The following LTBP1 variants were observed in gnomAD, a reference collection of about 807,000 sequenced individuals.
LTBP1 encodes the protein latent-transforming growth factor beta-binding protein 1.
A neutral mutation model predicts 207.6 loss-of-function variants in LTBP1; 129 were observed. The observed-to-expected ratio is 0.62, with a 90% CI of 0.54 to 0.72. The LOEUF is 0.72. Among genes scored for constraint, LTBP1 ranks in the 30% least tolerant of loss-of-function variants. The pLI, the probability that LTBP1 is intolerant of heterozygous loss-of-function variation, is 0.00. For synonymous variants in LTBP1, 963 were observed against 833.7 expected (o/e 1.16, Z -2.67); for missense variants, 2,281 against 2,217.2 (o/e 1.03, Z -0.58).
chr2:33,033,162 GTT>G, intron 3 of LTBP1, among the ~76,000 whole-genome samples: 1 of 151,876 alleles, frequency 6.6e-6, no homozygotes, highest in Non-Finnish European at 1.5e-5. Flanking sequence ...ATAGTCTTTA[GTT>G]TCAATGAATA....
At chr2:33,068,563 A>G (rs535893947) in intron 3 of LTBP1, among the ~76,000 whole-genome samples, 14 of 152,154 alleles carry the variant, frequency 9.2e-5, no homozygotes, top group Non-Finnish European at 1.8e-4. Flanking sequence ...GAGTATTTTC[A>G]CTGCTCTAAA....
At position 33,300,444 on chromosome 2, in the gene LTBP1, T is replaced by A; in HGVS notation, c.3236-7T>A. 1 of 1,612,294 alleles carries A rather than the reference T, an allele frequency of 6.2e-7. No individual in the cohort carries two copies. Among genetic ancestry groups the A allele is most frequent in the South Asian group, 1.1e-5 (1 of 90,984 alleles). On this transcript the variant is annotated splice_region_variant and splice_polypyrimidine_tract_variant and intron_variant, in intron 20 of 33. Transcript: ENST00000404816. ...TTTCAGAAAAATTGCCGTTGTTGTG[T>A]TTGCAGATATTGATGAATGTCAGCA... is the stretch of plus-strand genomic sequence containing the variant.
At chr2:33,337,198 C>T (rs893414958) in intron 24 of LTBP1, among the ~76,000 whole-genome samples, 1 of 152,162 alleles carries the variant, frequency 6.6e-6, no homozygotes, top group East Asian at 1.9e-4. Context: ...TCGAGTTCTA[C>T]TCTAGTATGT....
At chr2:32,996,570 TCTA>T (rs1685305706) in intron 2 of LTBP1, among the ~76,000 whole-genome samples, 2 of 152,166 alleles carry the variant, frequency 1.3e-5, no homozygotes, top group Non-Finnish European at 2.9e-5. Context: ...AGAGGAGACA[TCTA>T]CTATGTACAA....
At chr2:33,157,792 T>C (rs2084095404) in intron 5 of LTBP1, among the ~76,000 whole-genome samples, 1 of 151,928 alleles carries the variant, frequency 6.6e-6, no homozygotes, top group South Asian at 2.1e-4. Context: ...CCCACCCAAA[T>C]AAGGTGAGGA....
At chr2:33,393,234 CTTT>C (rs569734292) in intron 32 of LTBP1, among the ~76,000 whole-genome samples, 8,808 of 48,624 alleles carry the variant, frequency 0.18, 232 homozygotes, top group Non-Finnish European at 0.19. Context: ...CCTTCTTCTT[CTTT>C]TTTTTTTTTT....
chr2:33,254,659 C>T (rs1391967785), intron 11 of LTBP1, among the ~76,000 whole-genome samples: 1 of 139,618 alleles, frequency 7.2e-6, no homozygotes, highest in Non-Finnish European at 1.5e-5. Context: ...ATGTTGGTTA[C>T]ATATGTATAC....
chr2:33,139,638 A>G (rs1010524279), intron 5 of LTBP1, among the ~76,000 whole-genome samples: 1 of 152,196 alleles, frequency 6.6e-6, no homozygotes, highest in Non-Finnish European at 1.5e-5. Flanking sequence ...ATAAATGCAG[A>G]TGGCCTGATT....
At chr2:32,986,517 C>T (rs532516768) in intron 2 of LTBP1, among the ~76,000 whole-genome samples, 8 of 152,242 alleles carry the variant, frequency 5.3e-5, no homozygotes, top group South Asian at 2.1e-4. Context: ...TGACCTGAAC[C>T]GGCTACATCA....
At chr2:33,056,819 G>C (rs2077022679) in intron 3 of LTBP1, among the ~76,000 whole-genome samples, 1 of 151,992 alleles carries the variant, frequency 6.6e-6, no homozygotes, top group Non-Finnish European at 1.5e-5. Flanking sequence ...GTGTGGAAGG[G>C]GACCCGGACG....
intron 4 of LTBP1, among the ~76,000 whole-genome samples, chr2:33,111,658 A>T (rs2080410264): frequency 6.6e-6 from 1 of 152,160 alleles, no homozygotes; most frequent in Admixed American, 6.5e-5. Context: ...TCTGTACTGA[A>T]TCTAAAGTGA....
chr2:33,178,160 G>A (rs2086252126), intron 5 of LTBP1, among the ~76,000 whole-genome samples: 1 of 152,160 alleles, frequency 6.6e-6, no homozygotes, highest in African/African-American at 2.4e-5. Context: ...TCAATCTCAA[G>A]GTGTTTGGTG....
chr2:33,258,490 C>T (rs1477158696), intron 12 of LTBP1, among the ~76,000 whole-genome samples: 1 of 152,056 alleles, frequency 6.6e-6, no homozygotes. Context: ...GTGTTCTGGC[C>T]TATTTGATTC....
intron 24 of LTBP1, among the ~76,000 whole-genome samples, chr2:33,326,640 AATTTATTTATTTATTT>A (rs10529829): frequency 6.9e-6 from 1 of 144,590 alleles, no homozygotes; most frequent in Non-Finnish European, 1.5e-5. Flanking sequence ...TGAGGGATAT[AATTTATTTATTTATTT>A]ATTTATTTAT....
intron 31 of LTBP1, among the ~76,000 whole-genome samples, chr2:33,387,793 C>T (rs189580730): frequency 1.3e-4 from 19 of 149,692 alleles, no homozygotes; most frequent in African/African-American, 4.7e-4. Context: ...TCCAGGCAAA[C>T]GTGGCCATTG....
chr2:33,361,964 A>G (rs913244936), intron 28 of LTBP1, among the ~76,000 whole-genome samples: 21 of 152,104 alleles, frequency 1.4e-4, no homozygotes, highest in African/African-American at 4.8e-4. Context: ...ACTTTATCCT[A>G]CTGTTGTGGG....
chr2:33,398,828 G>A lies in LTBP1; in HGVS notation c.*283G>A. 4.4e-6 allele frequency: 1 copy of A among 228,218 alleles called. No homozygotes were observed. The highest frequency in any genetic ancestry group is 8.5e-6 in the Non-Finnish European group (1 of 117,606). The allele number at this position is 228,218 out of a possible 1,614,324, so 14.1% of individuals were successfully genotyped here. A position where few individuals can be genotyped will look rare whatever the true frequency, so the allele number is the denominator to read the frequency against. ...GTGCTGTTATTTTAAACAGAAGGTTGTATTATTATGTTGTTTTGTTTTTTT... is the reference window on the plus strand; with the variant it reads ...GTGCTGTTATTTTAAACAGAAGGTTATATTATTATGTTGTTTTGTTTTTTT... On this transcript the variant is annotated 3_prime_UTR_variant, in exon 34 of 34. Transcript: ENST00000404816.
intron 31 of LTBP1, among the ~76,000 whole-genome samples, chr2:33,366,635 G>A (rs1401341564): frequency 6.6e-6 from 1 of 152,216 alleles, no homozygotes; most frequent in Non-Finnish European, 1.5e-5. Context: ...CACTGCCATA[G>A]CAGCTGCATG....
chr2:33,000,415 G>C (rs1685927820), intron 2 of LTBP1, among the ~76,000 whole-genome samples: 1 of 135,436 alleles, frequency 7.4e-6, no homozygotes, highest in Admixed American at 7.6e-5. Flanking sequence ...CATGAGCCGT[G>C]CATGGGATTG....
Sources: gnomAD v4.1 joint callset for allele counts (sites outside exome capture counted in the v4.1 genomes callset) on GRCh38, gnomAD v4.1.1 for gene constraint, MANE v1.5 for transcripts, NCBI Gene and HGNC (gene_info 2026-07-23, HGNC 2026-07-21) for gene names.